Variants in NOL4 observed in about 807,000 individuals in gnomAD.
NOL4 encodes the protein cancer/testis antigen 125.
A neutral mutation model predicts 75.9 loss-of-function variants in NOL4; 17 were observed. That is an observed-to-expected ratio of 0.22 (90% confidence interval 0.15 to 0.34). The LOEUF is 0.34. NOL4 is among the 10% of genes least tolerant of loss of function. The probability of loss-of-function intolerance (pLI) is 1.00; values close to 1 mark genes in which losing one functional copy is unlikely to be tolerated. For missense variants in NOL4, 614 were observed against 793.5 expected (o/e 0.77, Z 2.72); for synonymous variants, 292 against 289.9 (o/e 1.01, Z -0.07).
intron 9 of NOL4, among the ~76,000 whole-genome samples, chr18:33,884,787 C>T (rs987822317): frequency 2.7e-4 from 41 of 152,028 alleles, no homozygotes; most frequent in African/African-American, 7.7e-4. Context: ...GGGGTGAAAA[C>T]GAGGAAATAT....
chr18:34,135,361 T>A (rs2080843757), intron 1 of NOL4, among the ~76,000 whole-genome samples: 1 of 151,932 alleles, frequency 6.6e-6, no homozygotes, highest in East Asian at 1.9e-4. Flanking sequence ...TGACAAAAAA[T>A]TTATAGGCCT....
At chr18:34,191,591 G>A (rs113013233) in intron 1 of NOL4, among the ~76,000 whole-genome samples, 1,822 of 151,978 alleles carry the variant, frequency 0.012, 12 homozygotes, top group Non-Finnish European at 0.019. Flanking sequence ...AGAAGTCTCC[G>A]GCTTCATGTT....
At chr18:33,928,218 C>T (rs1236524795) in intron 9 of NOL4, among the ~76,000 whole-genome samples, 2 of 152,112 alleles carry the variant, frequency 1.3e-5, no homozygotes, top group East Asian at 3.9e-4. Context: ...CCATATGTTT[C>T]CCTGTCTTTG....
chr18:34,222,020 C>G (rs1470865811), intron 1 of NOL4: 7 of 1,535,158 alleles, frequency 4.6e-6, no homozygotes, highest in Admixed American at 2.0e-5. Flanking sequence ...GAGTACCCAC[C>G]GTGGCATGAT....
At chr18:33,894,950 T>C (rs1599778987) in intron 9 of NOL4, among the ~76,000 whole-genome samples, 1 of 152,230 alleles carries the variant, frequency 6.6e-6, no homozygotes, top group African/African-American at 2.4e-5. Flanking sequence ...ATATACTTCG[T>C]AATAACTCAG....
chr18:34,026,990 G>C (rs2075375150), intron 5 of NOL4, among the ~76,000 whole-genome samples: 1 of 152,174 alleles, frequency 6.6e-6, no homozygotes, highest in African/African-American at 2.4e-5. Context: ...CAGATGCTAT[G>C]TTATGTAGGG....
chr18:34,185,880 A>G (rs899380412), intron 1 of NOL4, among the ~76,000 whole-genome samples: 1 of 152,228 alleles, frequency 6.6e-6, no homozygotes, highest in South Asian at 2.1e-4. Context: ...ACTTGTAATA[A>G]CTAGAACATA....
chr18:34,167,207 G>T (rs1357337848), intron 1 of NOL4, among the ~76,000 whole-genome samples: 1 of 151,758 alleles, frequency 6.6e-6, no homozygotes, highest in East Asian at 1.9e-4. Context: ...GCAAATACTA[G>T]ACCATTTTCT....
intron 10 of NOL4, among the ~76,000 whole-genome samples, chr18:33,854,910 G>T (rs770291725): frequency 6.6e-6 from 1 of 151,912 alleles, no homozygotes; most frequent in African/African-American, 2.4e-5. Context: ...ACACCCTACC[G>T]CTGGCTCAGT....
chr18:33,874,829 G>C (rs1424718862), intron 10 of NOL4, among the ~76,000 whole-genome samples: 4 of 152,002 alleles, frequency 2.6e-5, no homozygotes, highest in African/African-American at 4.8e-5. Context: ...CTGTAAACCA[G>C]TTCTAGTGTG....
chr18:34,047,337 A>C (rs1434220764), intron 5 of NOL4, among the ~76,000 whole-genome samples: 2 of 152,108 alleles, frequency 1.3e-5, no homozygotes, highest in Non-Finnish European at 2.9e-5. Flanking sequence ...GTAGTACATT[A>C]CTAGCAGGAT....
intron 5 of NOL4, among the ~76,000 whole-genome samples, chr18:34,052,118 T>C (rs749770442): frequency 1.3e-5 from 2 of 152,062 alleles, no homozygotes; most frequent in East Asian, 3.9e-4. Flanking sequence ...ATCTATATAA[T>C]TTAATATCTA....
chr18:33,867,008 A>G (rs2063460343), intron 10 of NOL4, among the ~76,000 whole-genome samples: 1 of 152,168 alleles, frequency 6.6e-6, no homozygotes, highest in African/African-American at 2.4e-5. Flanking sequence ...CCACTGTTAA[A>G]GAAAAGAGAA....
At chr18:34,032,123 A>G (rs560236454) in intron 5 of NOL4, among the ~76,000 whole-genome samples, 1 of 152,326 alleles carries the variant, frequency 6.6e-6, no homozygotes, top group Admixed American at 6.5e-5. Context: ...TGAAAGCACA[A>G]AGAAAGTGCA....
At chr18:33,954,424 T>C (rs1009018698) in intron 8 of NOL4, among the ~76,000 whole-genome samples, 2 of 152,008 alleles carry the variant, frequency 1.3e-5, no homozygotes, top group African/African-American at 2.4e-5. Flanking sequence ...GATTTGGTGG[T>C]AATAGGTATA....
chr18:34,174,378 C>T (rs2033340169), intron 1 of NOL4, among the ~76,000 whole-genome samples: 1 of 152,074 alleles, frequency 6.6e-6, no homozygotes, highest in South Asian at 2.1e-4. Flanking sequence ...CAAAGTTTCA[C>T]AACAATCCAA....
At chr18:34,070,063 G>A (rs912730022) in intron 5 of NOL4, among the ~76,000 whole-genome samples, 1 of 152,190 alleles carries the variant, frequency 6.6e-6, no homozygotes, top group East Asian at 1.9e-4. Flanking sequence ...ACGGAGTCTC[G>A]CTCAGTCGCC....
chr18:33,952,542 AC>A (rs1285460049), intron 8 of NOL4, among the ~76,000 whole-genome samples: 1 of 152,204 alleles, frequency 6.6e-6, no homozygotes, highest in Non-Finnish European at 1.5e-5. Context: ...GAAACACCAC[AC>A]TTGTACAGGA....
chr18:33,885,375 G>A (rs1471199511), intron 9 of NOL4, among the ~76,000 whole-genome samples: 1 of 152,056 alleles, frequency 6.6e-6, no homozygotes, highest in Admixed American at 6.6e-5. Context: ...AATCAACAAA[G>A]TGAAGAGACA....
Sources: gnomAD v4.1 joint callset for allele counts (sites outside exome capture counted in the v4.1 genomes callset) on GRCh38, gnomAD v4.1.1 for gene constraint, MANE v1.5 for transcripts, NCBI Gene and HGNC (gene_info 2026-07-23, HGNC 2026-07-21) for gene names.